The following NOTCH4 variants were observed in gnomAD, a reference collection of about 807,000 sequenced individuals.
NOTCH4 encodes the protein neurogenic locus notch homolog protein 4.
NOTCH4 carries 138 observed loss-of-function variants against 189.0 expected under a neutral mutation model. That is an observed-to-expected ratio of 0.73 (90% CI 0.64 to 0.84). The LOEUF (loss-of-function observed/expected upper bound fraction) is 0.84, where lower values mean the gene tolerates loss of function less well. Among genes scored for constraint, NOTCH4 ranks in the 40% least tolerant of loss-of-function variants. NOTCH4 has a pLI of 0.00. For synonymous variants in NOTCH4, 942 were observed against 1,032.8 expected (o/e 0.91, Z 1.69); for missense variants, 2,286 against 2,605.4 (o/e 0.88, Z 2.67).
Position 32,217,041 on chromosome 6 carries a change from CTGTT to C in NOTCH4, c.1761_1764del (p.Thr588ArgfsTer6). 6.2e-7 allele frequency: 1 copy of C among 1,613,098 alleles called. No individual in the cohort carries two copies. The highest frequency in any genetic ancestry group is 1.1e-5 in the South Asian group (1 of 91,076). On this transcript the variant is annotated frameshift_variant, in exon 11 of 30. Transcript: ENST00000375023. LOFTEE classifies it high-confidence loss of function. This position sits in a 1 kb window ranked among gnomAD's most constrained non-coding sequence, Gnocchi z 4.2. ...GGGTCACTCAGGCACTCATCCACCT[CTGTT>C]TGACAGCGTGGCCCTTCAAAGCCTG...
In NOTCH4 at chr6:32,217,329, G is replaced by T. The variant is rs1444710138; in HGVS notation, c.1625-63C>A. ...GTCATCGAGGGAGGCACAGCATGGC[G>T]CCTTCCCTTGCCAGGAAAGGTGAAC... On this transcript the variant is annotated intron_variant, in intron 9 of 29. Coordinates refer to ENST00000375023, the MANE Select transcript of NOTCH4 (RefSeq NM_004557.4). This position sits in a 1 kb window ranked among gnomAD's most constrained non-coding sequence, Gnocchi z 4.2. 15 of 1,025,824 alleles carry T rather than the reference G, an allele frequency of 1.5e-5. No homozygotes were observed. Among genetic ancestry groups the T allele is most frequent in the Non-Finnish European group, 2.3e-5 (15 of 664,314 alleles). The allele number at this position is 1,025,824 out of a possible 1,614,324, so 63.5% of individuals were successfully genotyped here.
intron 13 of NOTCH4, 61 bp from the exon 14 acceptor site, chr6:32,213,901 C>T: frequency 6.3e-7 from 1 of 1,577,818 alleles, no homozygotes; most frequent in Non-Finnish European, 8.6e-7. Context: ...CGCTCTCCTT[C>T]TCTTTCCTCT....
At position 32,199,281 on chromosome 6, in the gene NOTCH4, T is replaced by A; in HGVS notation, c.4316-136A>T. On this transcript the variant is annotated intron_variant, in intron 23 of 29. Transcript: ENST00000375023. This position sits in a 1 kb window ranked among gnomAD's most constrained non-coding sequence, Gnocchi z 4.9. The stretch of plus-strand genomic sequence containing the variant: ...TGCAAAATGGGGATGATAATATAGA[T>A]TGAGGTTGGGCACAGTGGCTCATGC... 1.5e-6 allele frequency: 1 copy of A among 657,950 alleles called. No homozygotes were observed. Among genetic ancestry groups the A allele is most frequent in the Non-Finnish European group, 2.5e-6 (1 of 397,226 alleles). The allele number at this position is 657,950 out of a possible 1,614,324, so 40.8% of individuals were successfully genotyped here.
rs966433347 is a variant in NOTCH4 at position 32,213,672 on chromosome 6, C to T, written c.2320+16G>A. 15 of 1,611,818 alleles carry T rather than the reference C, an allele frequency of 9.3e-6. 1 individual carries two copies. The highest frequency in any genetic ancestry group is 1.3e-5 in the Non-Finnish European group (15 of 1,179,262). On this transcript the variant is annotated intron_variant, in intron 14 of 29. Coordinates refer to ENST00000375023, the MANE Select transcript of NOTCH4 (RefSeq NM_004557.4). ...TCTCCTGTGGACCCCAGCCCCATGA[C>T]ACAGTGGGCACTCACCAGACACACA...
At chr6:32,197,819 C>CTT (rs9281668) in intron 26 of NOTCH4, among the ~76,000 whole-genome samples, 4,844 of 132,946 alleles carry the variant, frequency 0.036, 161 homozygotes, top group South Asian at 0.081. Context: ...GTGGTTTTCT[C>CTT]TTTTTTTTTT....
intron 26 of NOTCH4, among the ~76,000 whole-genome samples, chr6:32,197,973 C>T (rs1398991914): frequency 6.6e-6 from 1 of 152,152 alleles, no homozygotes; most frequent in African/African-American, 2.4e-5. Context: ...AGGCTCCCGC[C>T]ACCACGCCCG....
Position 32,223,979 on chromosome 6 carries a change from C to T in NOTCH4, c.-51G>A. On this transcript the variant is annotated 5_prime_UTR_variant, in exon 1 of 30. Coordinates refer to ENST00000375023, the MANE Select transcript of NOTCH4 (RefSeq NM_004557.4). ...GTCCCTGTCCCTCTTCAGGCAGGGACCCTCAGAGCTCTCACTGGGGCAGGA... is the reference window on the plus strand; with the variant it reads ...GTCCCTGTCCCTCTTCAGGCAGGGATCCTCAGAGCTCTCACTGGGGCAGGA... 6.5e-7 allele frequency: 1 copy of T among 1,542,224 alleles called. No individual in the cohort carries two copies. Among genetic ancestry groups the T allele is most frequent in the Non-Finnish European group, 8.7e-7 (1 of 1,151,432 alleles).
In NOTCH4 at chr6:32,217,803, G is replaced by A. The variant is rs1193541469; in HGVS notation, c.1624+192C>T. Among the ~76,000 whole-genome samples, 1 of 152,198 alleles carries A rather than the reference G, an allele frequency of 6.6e-6. No homozygotes were observed. The highest frequency in any genetic ancestry group is 1.5e-5 in the Non-Finnish European group (1 of 68,034). On this transcript the variant is annotated intron_variant, in intron 9 of 29. Coordinates refer to ENST00000375023, the MANE Select transcript of NOTCH4 (RefSeq NM_004557.4). The surrounding 1 kb of genome is among the most constrained non-coding windows in gnomAD (Gnocchi z 4.2). ...TTGGGTGATTTGGTAGGACAGAGAT[G>A]AGAATGGGCAAGTAAGCAAGGGAAG...
At chr6:32,203,543 C>T (rs1788484672) in intron 20 of NOTCH4, 1 of 535,222 alleles carries the variant, frequency 1.9e-6, no homozygotes, top group Admixed American at 3.7e-5. Flanking sequence ...CCTGACCTTC[C>T]CTTAGGCAAC....
At chr6:32,209,437 AG>A (rs772158378) in intron 18 of NOTCH4, among the ~76,000 whole-genome samples, 58 of 152,236 alleles carry the variant, frequency 3.8e-4, no homozygotes, top group Non-Finnish European at 6.5e-4. Context: ...AGTGTTAGAT[AG>A]CAGAGAAGGA....
intron 11 of NOTCH4, chr6:32,216,568 T>C (rs404860): frequency 0.19 from 64,314 of 339,092 alleles, 7,245 homozygotes; most frequent in East Asian, 0.43. Context: ...AGGAGACTTG[T>C]TGGTCTCTCT....
rs897780033 is a variant in NOTCH4, at chr6:32,200,218, T to TC, written c.4315+612_4315+613insG. ...GTACGATATAGCAGTTATTTTTCTTTTTTTTTTTTTGAGATGGAGTCTCCC... is the reference window on the plus strand; with the variant it reads ...GTACGATATAGCAGTTATTTTTCTTTCTTTTTTTTTTGAGATGGAGTCTCCC... On this transcript the variant is annotated intron_variant, in intron 23 of 29. Coordinates refer to ENST00000375023, the MANE Select transcript of NOTCH4 (RefSeq NM_004557.4). This position sits in a 1 kb window ranked among gnomAD's most constrained non-coding sequence, Gnocchi z 5.0. 6.6e-6 allele frequency among the ~76,000 whole-genome samples: 1 copy of TC among 151,238 alleles called. No individual in the cohort carries two copies. Among genetic ancestry groups the TC allele is most frequent in the African/African-American group, 2.4e-5 (1 of 41,244 alleles).
At chr6:32,197,170 C>A in intron 27 of NOTCH4, 98 bp from the exon 28 acceptor site, 10 of 1,527,986 alleles carry the variant, frequency 6.5e-6, no homozygotes, top group Non-Finnish European at 8.8e-6. Context: ...ATTCAGCCAT[C>A]CTCCGCAGTT....
chr6:32,200,904 C>T lies in NOTCH4; in HGVS notation c.4242G>A (p.Ala1414=), dbSNP rs923663349. Reference sequence around the variant, plus strand: ...GCTCCAGGGCTCCCACTGCAGCCATCGCAGCAAGGAAGCGGAGTAGAAGCC... The same window carrying T: ...GCTCCAGGGCTCCCACTGCAGCCATTGCAGCAAGGAAGCGGAGTAGAAGCC... The part of the protein sequence containing the change: ...DPGLLLRFLA[A]MAAVGALEPL... Residue 1414 remains alanine, a synonymous_variant, in exon 23 of 30, where the codon GCG becomes GCA. Transcript: ENST00000375023. The surrounding 1 kb of genome is among the most constrained non-coding windows in gnomAD (Gnocchi z 5.0). 8.1e-6 allele frequency: 13 copies of T among 1,609,096 alleles called. No homozygotes were observed. The highest frequency in any genetic ancestry group is 1.1e-5 in the South Asian group (1 of 90,566).
chr6:32,208,003 C>CAAAA (rs9279505), intron 18 of NOTCH4, among the ~76,000 whole-genome samples: 1 of 129,880 alleles, frequency 7.7e-6, no homozygotes, highest in Non-Finnish European at 1.6e-5. Context: ...GACTCCTTCT[C>CAAAA]AAAAAAAAAA....
intron 14 of NOTCH4, 73 bp downstream of exon 14, chr6:32,213,615 T>C (rs1789171160): frequency 1.3e-6 from 2 of 1,515,528 alleles, no homozygotes; most frequent in Admixed American, 2.1e-5. Flanking sequence ...TTAAAAAATA[T>C]GACACAAGCA....
chr6:32,200,651 T>C lies in NOTCH4; in HGVS notation c.4315+180A>G. The stretch of plus-strand genomic sequence containing the variant: ...TGCTTAGGGAAATAAGGAAGGAGAC[T>C]GTAGAACAAATGGGCCAGTGGGAGA... On this transcript the variant is annotated intron_variant, in intron 23 of 29. Coordinates refer to ENST00000375023, the MANE Select transcript of NOTCH4 (RefSeq NM_004557.4). This position sits in a 1 kb window ranked among gnomAD's most constrained non-coding sequence, Gnocchi z 5.0. 6.6e-6 allele frequency among the ~76,000 whole-genome samples: 1 copy of C among 152,204 alleles called. No individual in the cohort carries two copies. The highest frequency in any genetic ancestry group is 1.9e-4 in the East Asian group (1 of 5,200).
chr6:32,200,166 T>C lies in NOTCH4; in HGVS notation c.4315+665A>G, dbSNP rs1158680598. ...GGGGGAGGATTAAATGAGGTAACAA[T>C]GTAAAATGCTTAGAGTAAGGCACAA... On this transcript the variant is annotated intron_variant, in intron 23 of 29. Coordinates refer to ENST00000375023, the MANE Select transcript of NOTCH4 (RefSeq NM_004557.4). This position sits in a 1 kb window ranked among gnomAD's most constrained non-coding sequence, Gnocchi z 5.0. Among the ~76,000 whole-genome samples, 2 of 151,996 alleles carry C rather than the reference T, an allele frequency of 1.3e-5. No individual in the cohort carries two copies. The highest frequency in any genetic ancestry group is 2.9e-5 in the Non-Finnish European group (2 of 68,000).
At chr6:32,213,393 T>C (rs1582807732) in intron 14 of NOTCH4, 141 bp from the exon 15 acceptor site, 2 of 630,034 alleles carry the variant, frequency 3.2e-6, no homozygotes, top group South Asian at 2.2e-5. Context: ...TTTATTTATA[T>C]GATATTTTAT....
Sources: allele counts gnomAD v4.1 joint callset (sites outside exome capture counted in the v4.1 genomes callset), GRCh38; gene constraint gnomAD v4.1.1; non-coding constraint Gnocchi (gnomAD v3.1); transcripts MANE v1.5; gene names NCBI Gene and HGNC (gene_info 2026-07-23, HGNC 2026-07-21).